The following ZNF423 variants were observed in gnomAD, a reference collection of about 807,000 sequenced individuals.
ZNF423 encodes zinc finger protein 423, also known as Ebf-associated zinc finger protein.
ZNF423 carries 12 observed loss-of-function variants against 95.8 expected under a neutral mutation model. That is an observed-to-expected ratio of 0.13 (90% CI 0.08 to 0.20). The LOEUF (loss-of-function observed/expected upper bound fraction) is 0.20, where lower values mean the gene tolerates loss of function less well. Ranked by LOEUF, ZNF423 falls within the 10% of genes least tolerant of loss-of-function variation. The probability of loss-of-function intolerance (pLI) is 1.00; values close to 1 mark genes in which losing one functional copy is unlikely to be tolerated. For synonymous variants in ZNF423, 749 were observed against 711.9 expected (o/e 1.05, Z -0.83); for missense variants, 1,316 against 1,737.1 (o/e 0.76, Z 4.31).
intron 2 of ZNF423, among the ~76,000 whole-genome samples, chr16:49,747,289 A>G (rs1348403959): frequency 6.6e-6 from 1 of 151,180 alleles, no homozygotes; most frequent in Non-Finnish European, 1.5e-5. Context: ...ATGTATCAAC[A>G]CGGATTAATC....
intron 5 of ZNF423, among the ~76,000 whole-genome samples, chr16:49,580,051 G>T (rs1229117056): frequency 6.6e-6 from 1 of 152,168 alleles, no homozygotes; most frequent in Non-Finnish European, 1.5e-5. Context: ...GCTCTTGGAT[G>T]TTCCCATCTC....
chr16:49,652,780 C>G (rs1415756216), intron 3 of ZNF423, among the ~76,000 whole-genome samples: 1 of 152,236 alleles, frequency 6.6e-6, no homozygotes, highest in East Asian at 1.9e-4. Context: ...CTGGAAACAG[C>G]TGCGCTCTAA....
intron 1 of ZNF423, among the ~76,000 whole-genome samples, chr16:49,818,526 G>A (rs2034891066): frequency 6.6e-6 from 1 of 150,538 alleles, no homozygotes. Context: ...AGTGCGCTGT[G>A]ACTGCACCTG....
intron 5 of ZNF423, among the ~76,000 whole-genome samples, chr16:49,543,051 T>C (rs1362131647): frequency 6.6e-6 from 1 of 152,132 alleles, no homozygotes; most frequent in African/African-American, 2.4e-5. Context: ...ATCCAATATT[T>C]GTATTTTGAA....
chr16:49,677,262 A>AGAAGAGAAGAGAAGAGAAGGGAAGG (rs1307092157), intron 3 of ZNF423, among the ~76,000 whole-genome samples: 2 of 53,156 alleles, frequency 3.8e-5, no homozygotes, highest in Non-Finnish European at 3.8e-5. Context: ...AGAAGAGAAG[A>AGAAGAGAAGAGAAGAGAAGGGAAGG]GAAGAGAAGA....
rs1222156020 is a variant in ZNF423 at position 49,638,678 on chromosome 16, C to T, written c.498G>A (p.Gln166=). ...TGAACGGCAGCTTGTCGCTGTGGATCTGCTCGTGCCTCTTCAAGTAGCTCA... is the reference window on the plus strand; with the variant it reads ...TGAACGGCAGCTTGTCGCTGTGGATTTGCTCGTGCCTCTTCAAGTAGCTCA... ...IRLSYLKRHE[Q]IHSDKLPFKC... The change falls in exon 4 of 8, where the codon CAG becomes CAA. Residue 166 remains glutamine, a synonymous_variant. Coordinates refer to ENST00000563137, the MANE Select transcript of ZNF423 (RefSeq NM_001379286.1). This position sits in a 1 kb window ranked among gnomAD's most constrained non-coding sequence, Gnocchi z 5.6. 6.2e-7 allele frequency: 1 copy of T among 1,614,142 alleles called. No individual in the cohort carries two copies. The highest frequency in any genetic ancestry group is 8.5e-7 in the Non-Finnish European group (1 of 1,180,034).
rs572401606 is a variant in ZNF423 at position 49,737,197 on chromosome 16, G to A, written c.101-6226C>T. On this transcript the variant is annotated intron_variant, in intron 2 of 7. Transcript: ENST00000563137. The stretch of plus-strand genomic sequence containing the variant: ...GAGGAAAAAAAAAAAACAAGGCTCA[G>A]GAGCCCATTCAAAGCACGTGCCAGG... 4.0e-5 allele frequency among the ~76,000 whole-genome samples: 6 copies of A among 151,530 alleles called. No individual in the cohort carries two copies. In the East Asian group the frequency reaches 1.2e-3, roughly 29 times the overall value.
chr16:49,661,953 G>A (rs779672978), intron 3 of ZNF423, among the ~76,000 whole-genome samples: 5 of 152,170 alleles, frequency 3.3e-5, no homozygotes, highest in Admixed American at 6.5e-5. Context: ...ATCAGATACC[G>A]CAGGTTAAGC....
At chr16:49,733,661 G>T (rs1223527013) in intron 2 of ZNF423, among the ~76,000 whole-genome samples, 2 of 152,186 alleles carry the variant, frequency 1.3e-5, no homozygotes, top group Non-Finnish European at 2.9e-5. Context: ...GGCGAGCTCA[G>T]GCCACACAAA....
At chr16:49,623,960 C>A (rs143220041) in intron 5 of ZNF423, among the ~76,000 whole-genome samples, 303 of 152,314 alleles carry the variant, frequency 2.0e-3, no homozygotes, top group African/African-American at 6.2e-3. Context: ...TTAAACAAAA[C>A]CTTGATGGCT....
chr16:49,611,487 C>A (rs1971720461), intron 5 of ZNF423, among the ~76,000 whole-genome samples: 1 of 151,890 alleles, frequency 6.6e-6, no homozygotes, highest in South Asian at 2.1e-4. Flanking sequence ...ATTCGTGGGA[C>A]ACAGCTAAGT....
At chr16:49,614,082 A>G (rs1175813672) in intron 5 of ZNF423, among the ~76,000 whole-genome samples, 1 of 152,248 alleles carries the variant, frequency 6.6e-6, no homozygotes, top group Non-Finnish European at 1.5e-5. Flanking sequence ...GAATACATAA[A>G]GAACTCTCAA....
chr16:49,578,608 T>C (rs1466006862), intron 5 of ZNF423, among the ~76,000 whole-genome samples: 3 of 152,188 alleles, frequency 2.0e-5, no homozygotes, highest in South Asian at 2.1e-4. Context: ...TCTTCCTTTC[T>C]GCCTGGTGCA....
At chr16:49,815,729 C>G (rs1024492328) in intron 1 of ZNF423, among the ~76,000 whole-genome samples, 1 of 151,360 alleles carries the variant, frequency 6.6e-6, no homozygotes, top group African/African-American at 2.4e-5. Context: ...AGCACGCAGG[C>G]TTGGGTATAA....
intron 5 of ZNF423, among the ~76,000 whole-genome samples, chr16:49,560,581 T>C (rs961715453): frequency 2.6e-5 from 4 of 152,168 alleles, no homozygotes; most frequent in Admixed American, 6.5e-5. Flanking sequence ...CGTGCTATCG[T>C]GTGTGGTGTG....
At chr16:49,563,075 G>A (rs144601712) in intron 5 of ZNF423, among the ~76,000 whole-genome samples, 14 of 151,498 alleles carry the variant, frequency 9.2e-5, no homozygotes, top group South Asian at 4.2e-4. Flanking sequence ...GAGCCACCGC[G>A]CCCACACAGC....
chr16:49,814,476 C>T (rs544756765), intron 1 of ZNF423, among the ~76,000 whole-genome samples: 4 of 150,852 alleles, frequency 2.7e-5, no homozygotes, highest in Non-Finnish European at 5.9e-5. Context: ...CCAGGATAAA[C>T]TGCACCTGCC....
chr16:49,690,642 G>A (rs1012497680), intron 3 of ZNF423, among the ~76,000 whole-genome samples: 6 of 152,238 alleles, frequency 3.9e-5, no homozygotes, highest in African/African-American at 1.4e-4. Context: ...AGAAAGTACT[G>A]ACCAGAGGGG....
chr16:49,633,988 C>A (rs2151877936), intron 4 of ZNF423, among the ~76,000 whole-genome samples: 1 of 152,066 alleles, frequency 6.6e-6, no homozygotes, highest in Non-Finnish European at 1.5e-5. Context: ...CTCACTGCAA[C>A]CTCTGCCTCG....
Sources: gnomAD v4.1 joint callset for allele counts (sites outside exome capture counted in the v4.1 genomes callset) on GRCh38, gnomAD v4.1.1 for gene constraint, Gnocchi (gnomAD v3.1) non-coding constraint, MANE v1.5 for transcripts, NCBI Gene and HGNC (gene_info 2026-07-23, HGNC 2026-07-21) for gene names.